The following VCF1 variants were observed in gnomAD, a reference collection of about 807,000 sequenced individuals.
VCF1 encodes the protein protein VCF1.
the VCF1 span, among the ~76,000 whole-genome samples, chr17:73,218,127 T>G: frequency 6.6e-6 from 1 of 152,120 alleles, no homozygotes; most frequent in Non-Finnish European, 1.5e-5. Context: ...GGAGTCATGA[T>G]GAAGCTCATT....
the VCF1 span, chr17:73,208,132 C>T: frequency 6.7e-7 from 1 of 1,484,972 alleles, no homozygotes; most frequent in Non-Finnish European, 8.9e-7. Context: ...GTCACAAAGG[C>T]TCATGCTGTT....
At chr17:73,208,046 G>C in the VCF1 span, 3 of 1,367,072 alleles carry the variant, frequency 2.2e-6, no homozygotes, top group Non-Finnish European at 2.8e-6. Flanking sequence ...GCCCACATTA[G>C]GTTAGCAGGC....
chr17:73,208,260 G>A, the VCF1 span: 2 of 1,611,060 alleles, frequency 1.2e-6, no homozygotes, highest in Admixed American at 3.3e-5. Flanking sequence ...GAGGGCGAGT[G>A]GGCAGGAGGG....
the VCF1 span, among the ~76,000 whole-genome samples, chr17:73,216,051 A>G: frequency 6.6e-6 from 1 of 152,158 alleles, no homozygotes; most frequent in South Asian, 2.1e-4. Context: ...CTGCAGGAAC[A>G]GGTGGGTCCT....
the VCF1 span, among the ~76,000 whole-genome samples, chr17:73,213,257 A>AG: frequency 6.6e-6 from 1 of 151,544 alleles, no homozygotes; most frequent in South Asian, 2.1e-4. Context: ...AAAAAAAAAA[A>AG]GTGTTTACTG....
At chr17:73,208,261 G>A in the VCF1 span, 2 of 1,611,018 alleles carry the variant, frequency 1.2e-6, no homozygotes, top group African/African-American at 2.7e-5. Context: ...AGGGCGAGTG[G>A]GCAGGAGGGC....
the VCF1 span, among the ~76,000 whole-genome samples, chr17:73,229,007 T>C: frequency 1.3e-5 from 2 of 152,216 alleles, no homozygotes; most frequent in African/African-American, 4.8e-5. Flanking sequence ...TAATGGGGGA[T>C]AGATCTTTCC....
the VCF1 span, chr17:73,212,726 C>T: frequency 1.3e-6 from 2 of 1,589,692 alleles, no homozygotes; most frequent in Non-Finnish European, 1.7e-6. Context: ...TACTGTTTCT[C>T]ATTACAGGTA....
the VCF1 span, chr17:73,209,582 G>A: frequency 6.3e-7 from 1 of 1,585,788 alleles, no homozygotes; most frequent in Non-Finnish European, 8.6e-7. Flanking sequence ...GCCTCCCTCA[G>A]GGTCTGGTTG....
chr17:73,208,607 A>C, the VCF1 span: 2 of 939,156 alleles, frequency 2.1e-6, no homozygotes, highest in South Asian at 1.4e-5. Flanking sequence ...TTAAGCATCA[A>C]GTTAATCCTT....
At chr17:73,207,430 T>TA in the VCF1 span, 10 of 743,338 alleles carry the variant, frequency 1.3e-5, no homozygotes, top group African/African-American at 1.4e-4. Context: ...CTTGAGCTAC[T>TA]AGAAGGTGTA....
the VCF1 span, among the ~76,000 whole-genome samples, chr17:73,221,094 T>C: frequency 6.6e-6 from 1 of 151,138 alleles, no homozygotes; most frequent in Non-Finnish European, 1.5e-5. Context: ...AGACGGGGTT[T>C]CACCATGTTG....
the VCF1 span, chr17:73,229,579 GTA>G: frequency 1.0e-6 from 1 of 985,160 alleles, no homozygotes; most frequent in African/African-American, 1.7e-5. Context: ...AATCTTAAGA[GTA>G]TGGGCTGGGC....
At chr17:73,218,162 C>G in the VCF1 span, among the ~76,000 whole-genome samples, 1 of 152,054 alleles carries the variant, frequency 6.6e-6, no homozygotes, top group Non-Finnish European at 1.5e-5. Flanking sequence ...GCCACAGAAT[C>G]TGGATTAAAT....
the VCF1 span, among the ~76,000 whole-genome samples, chr17:73,210,222 G>GATAA: frequency 1.3e-5 from 2 of 152,136 alleles, no homozygotes; most frequent in Non-Finnish European, 2.9e-5. Context: ...TATAAGCGAA[G>GATAA]ATAAAAACTA....
chr17:73,225,476 G>A, the VCF1 span, among the ~76,000 whole-genome samples: 1 of 151,582 alleles, frequency 6.6e-6, no homozygotes, highest in Non-Finnish European at 1.5e-5. Flanking sequence ...AGAGACAAAA[G>A]CAAGAAAAAG....
the VCF1 span, among the ~76,000 whole-genome samples, chr17:73,231,255 C>A: frequency 6.6e-6 from 1 of 152,156 alleles, no homozygotes; most frequent in African/African-American, 2.4e-5. Context: ...TGTGGAAAGA[C>A]CGTAACAGGA....
chr17:73,214,110 A>G, the VCF1 span, among the ~76,000 whole-genome samples: 8 of 152,220 alleles, frequency 5.3e-5, no homozygotes, highest in African/African-American at 1.9e-4. Flanking sequence ...CAGAACTTCT[A>G]AAGCTGCTTC....
the VCF1 span, among the ~76,000 whole-genome samples, chr17:73,219,823 A>C: frequency 4.6e-5 from 7 of 151,784 alleles, no homozygotes; most frequent in African/African-American, 1.7e-4. Flanking sequence ...AAGAATATAA[A>C]AATAAGCTGG....
Sources: gnomAD v4.1 joint callset for allele counts (sites outside exome capture counted in the v4.1 genomes callset) on GRCh38, gnomAD v4.1.1 for gene constraint, MANE v1.5 for transcripts, NCBI Gene and HGNC (gene_info 2026-07-23, HGNC 2026-07-21) for gene names.